The following RBFOX1 variants were observed in gnomAD, a reference collection of about 807,000 sequenced individuals.
RBFOX1 encodes the protein RNA binding fox-1 homolog 1, also known as RNA binding protein fox-1 homolog 1.
A neutral mutation model predicts 57.7 loss-of-function variants in RBFOX1; 8 were observed. The observed-to-expected ratio is 0.14, with a 90% confidence interval of 0.08 to 0.25. The LOEUF is 0.25. Ranked by LOEUF, RBFOX1 falls within the 10% of genes least tolerant of loss-of-function variation. The probability of loss-of-function intolerance (pLI) is 1.00; values close to 1 mark genes in which losing one functional copy is unlikely to be tolerated. For missense variants in RBFOX1, 611 were observed against 548.5 expected (o/e 1.11, Z -1.14); for synonymous variants, 326 against 222.4 (o/e 1.47, Z -4.15).
At chr16:6,922,749 A>G (rs2074753704) in intron 3 of RBFOX1, among the ~76,000 whole-genome samples, 1 of 152,156 alleles carries the variant, frequency 6.6e-6, no homozygotes, top group South Asian at 2.1e-4. Context: ...AACATTTTCC[A>G]GTAATTTCCT....
At position 7,257,149 on chromosome 16, in the gene RBFOX1, C is replaced by G. The variant is rs765690060; in HGVS notation, c.27+205051C>G. Among the ~76,000 whole-genome samples the G allele has an allele frequency of 5.3e-5, 8 of 152,310 alleles. No individual in the cohort carries two copies. The East Asian group carries it at 1.5e-3, about 29-fold the overall frequency. On this transcript the variant is annotated intron_variant, in intron 4 of 15. Coordinates refer to ENST00000550418, the MANE Select transcript of RBFOX1 (RefSeq NM_018723.4). ...TGAACGAAATTGCCTTCGGAAAACC[C>G]TTTCCGGTCCAACTGTTTCTCTATC... is the stretch of plus-strand genomic sequence containing the variant.
chr16:6,658,985 A>C (rs933145391), intron 3 of RBFOX1, among the ~76,000 whole-genome samples: 1 of 150,582 alleles, frequency 6.6e-6, no homozygotes, highest in Non-Finnish European at 1.5e-5. Flanking sequence ...TGTGGAGCTA[A>C]TGCAGATTTA....
At chr16:7,377,525 A>C (rs1411208453) in intron 4 of RBFOX1, among the ~76,000 whole-genome samples, 1 of 152,246 alleles carries the variant, frequency 6.6e-6, no homozygotes, top group Non-Finnish European at 1.5e-5. Context: ...CCTAAGGAGA[A>C]TTTAAACCCT....
chr16:7,526,076 T>C (rs537248419), intron 5 of RBFOX1, among the ~76,000 whole-genome samples: 1 of 152,336 alleles, frequency 6.6e-6, no homozygotes, highest in East Asian at 1.9e-4. Flanking sequence ...AGATCAACAA[T>C]GGCATTAGAT....
At chr16:5,428,058 C>G (rs1334311810) in intron 1 of RBFOX1, among the ~76,000 whole-genome samples, 4 of 152,084 alleles carry the variant, frequency 2.6e-5, no homozygotes, top group Non-Finnish European at 5.9e-5. Context: ...CCTGTGGGCC[C>G]TGTCTCCTGA....
chr16:6,607,009 G>A (rs2097941677), intron 2 of RBFOX1, among the ~76,000 whole-genome samples: 1 of 152,136 alleles, frequency 6.6e-6, no homozygotes, highest in Non-Finnish European at 1.5e-5. Flanking sequence ...CCAGAGCCTT[G>A]TCAGCATCTG....
At chr16:6,747,466 G>GTCTGTCTT (rs2073970381) in intron 3 of RBFOX1, among the ~76,000 whole-genome samples, 1 of 151,030 alleles carries the variant, frequency 6.6e-6, no homozygotes, top group Non-Finnish European at 1.5e-5. Flanking sequence ...CTGTCTGTCT[G>GTCTGTCTT]TCTGTCTGTT....
At chr16:6,446,481 G>A (rs2094488337) in intron 2 of RBFOX1, among the ~76,000 whole-genome samples, 1 of 152,090 alleles carries the variant, frequency 6.6e-6, no homozygotes, top group Non-Finnish European at 1.5e-5. Context: ...AACATAGAAG[G>A]GACCAGGAGT....
intron 2 of RBFOX1, among the ~76,000 whole-genome samples, chr16:6,522,154 AGTGTGTGTGTGTGTGTGTGTGTGT>A (rs35360830): frequency 3.5e-5 from 5 of 142,762 alleles, no homozygotes; most frequent in Non-Finnish European, 7.7e-5. Flanking sequence ...GGGGACCCAC[AGTGTGTGTGTGTGTGTGTGTGTGT>A]GTGTGTGTGT....
At chr16:6,622,009 C>T (rs1260275999) in intron 2 of RBFOX1, among the ~76,000 whole-genome samples, 6 of 152,116 alleles carry the variant, frequency 3.9e-5, no homozygotes, top group Admixed American at 2.6e-4. Context: ...GGGGCTTACA[C>T]CATTTTCAAG....
chr16:7,293,094 A>G (rs2095825231), intron 4 of RBFOX1, among the ~76,000 whole-genome samples: 1 of 152,200 alleles, frequency 6.6e-6, no homozygotes, highest in African/African-American at 2.4e-5. Flanking sequence ...CAAGGATGTG[A>G]TAGATACCGT....
chr16:7,189,454 C>A (rs995499881), intron 4 of RBFOX1, among the ~76,000 whole-genome samples: 1 of 133,890 alleles, frequency 7.5e-6, no homozygotes, highest in Non-Finnish European at 1.6e-5. Context: ...AAAAAGGAAT[C>A]CTCAATGGAT....
chr16:5,499,724 C>T (rs2043122791), intron 2 of RBFOX1, among the ~76,000 whole-genome samples: 1 of 152,036 alleles, frequency 6.6e-6, no homozygotes, highest in Non-Finnish European at 1.5e-5. Context: ...AGGTGCCCAC[C>T]ACCACGCCTG....
At chr16:5,383,383 C>G (rs1243307494) in intron 1 of RBFOX1, among the ~76,000 whole-genome samples, 1 of 152,234 alleles carries the variant, frequency 6.6e-6, no homozygotes, top group Admixed American at 6.5e-5. Context: ...CAAAACTCAT[C>G]TGGGTCTCCT....
At chr16:5,754,261 G>A (rs995011591) in intron 3 of RBFOX1, among the ~76,000 whole-genome samples, 3 of 152,212 alleles carry the variant, frequency 2.0e-5, no homozygotes, top group South Asian at 2.1e-4. Context: ...CCCTGTAAGC[G>A]TCTTGGGAGG....
At chr16:6,666,399 G>T (rs1055885416) in intron 3 of RBFOX1, among the ~76,000 whole-genome samples, 1 of 152,234 alleles carries the variant, frequency 6.6e-6, no homozygotes, top group Middle Eastern at 3.4e-3. Flanking sequence ...TCCAGGTGTG[G>T]TGGTGGGCAC....
intron 2 of RBFOX1, among the ~76,000 whole-genome samples, chr16:6,585,140 C>G (rs551924448): frequency 1.3e-5 from 2 of 152,198 alleles, no homozygotes; most frequent in African/African-American, 4.8e-5. Context: ...CAGCCTCATG[C>G]AAAGAAAAAA....
intron 14 of RBFOX1, among the ~76,000 whole-genome samples, chr16:7,687,091 G>A (rs1314115118): frequency 6.6e-6 from 1 of 152,064 alleles, no homozygotes. Flanking sequence ...AGAGATAGGT[G>A]TAGGACCTTT....
At chr16:5,737,965 T>G (rs913824313) in intron 3 of RBFOX1, among the ~76,000 whole-genome samples, 4 of 152,300 alleles carry the variant, frequency 2.6e-5, no homozygotes, top group Admixed American at 6.5e-5. Flanking sequence ...CGCCAACCTG[T>G]CATCTACATT....
Sources: allele counts gnomAD v4.1 joint callset (sites outside exome capture counted in the v4.1 genomes callset), GRCh38; gene constraint gnomAD v4.1.1; transcripts MANE v1.5; gene names NCBI Gene and HGNC (gene_info 2026-07-23, HGNC 2026-07-21).